Variants in MKKS observed in about 807,000 individuals in gnomAD.
MKKS encodes the protein MKKS centrosomal shuttling protein.
In MKKS, 29 loss-of-function variants were observed where a neutral mutation model predicts 33.2. The observed-to-expected ratio is 0.87, with a 90% CI of 0.65 to 1.19. MKKS has a LOEUF of 1.19. MKKS is among the 50% of genes most tolerant of loss of function. MKKS has a pLI of 0.00. For synonymous variants in MKKS, 260 were observed against 244.0 expected (o/e 1.07, Z -0.61); for missense variants, 661 against 662.3 (o/e 1.00, Z 0.02).
intron 1 of MKKS, among the ~76,000 whole-genome samples, chr20:10,429,055 C>T (rs1310059132): frequency 1.3e-5 from 2 of 152,144 alleles, no homozygotes; most frequent in African/African-American, 4.8e-5. Context: ...AAAACAAATT[C>T]CCTAAGGCAA....
At chr20:10,427,247 T>C (rs569071683) in intron 1 of MKKS, among the ~76,000 whole-genome samples, 8 of 152,350 alleles carry the variant, frequency 5.3e-5, no homozygotes, top group South Asian at 2.1e-4. Flanking sequence ...CAGGGAATGT[T>C]ACATCAAATG....
At chr20:10,410,082 ATTGT>A (rs974087502) in intron 3 of MKKS, among the ~76,000 whole-genome samples, 3 of 151,036 alleles carry the variant, frequency 2.0e-5, no homozygotes, top group African/African-American at 7.3e-5. Context: ...TTATTTGAAT[ATTGT>A]TTACTTCTGA....
At chr20:10,411,048 G>A (rs1358237090) in intron 3 of MKKS, among the ~76,000 whole-genome samples, 2 of 150,574 alleles carry the variant, frequency 1.3e-5, no homozygotes. Flanking sequence ...GTGCAGTGGC[G>A]CAATCTCGGT....
chr20:10,415,404 A>G (rs1214825756), intron 2 of MKKS, among the ~76,000 whole-genome samples: 3 of 152,216 alleles, frequency 2.0e-5, no homozygotes, highest in Non-Finnish European at 2.9e-5. Context: ...AATGTTATGC[A>G]AATGTTATTT....
intron 1 of MKKS, chr20:10,431,966 C>T (rs2065056933): frequency 6.6e-6 from 1 of 152,274 alleles, no homozygotes. Context: ...CTTCAAAGCC[C>T]TACCTTTGTG....
At chr20:10,424,455 T>C (rs538463602) in intron 1 of MKKS, among the ~76,000 whole-genome samples, 1 of 152,234 alleles carries the variant, frequency 6.6e-6, no homozygotes, top group East Asian at 1.9e-4. Context: ...ACTACTTCAT[T>C]TCTTTCACTT....
intron 2 of MKKS, among the ~76,000 whole-genome samples, chr20:10,414,710 AT>A (rs2064924599): frequency 2.0e-5 from 3 of 152,230 alleles, no homozygotes; most frequent in Non-Finnish European, 4.4e-5. Flanking sequence ...TTTGTAAATA[AT>A]TATAAAAACA....
chr20:10,423,755 T>C lies in MKKS; in HGVS notation c.-648-2997A>G, dbSNP rs371397035. Reference sequence around the variant, plus strand: ...CAGTCTATTACTCTTTCCATTAGGATAACTTAAGGATCGATGAATCTTTTT... The same window carrying C: ...CAGTCTATTACTCTTTCCATTAGGACAACTTAAGGATCGATGAATCTTTTT... On this transcript the variant is annotated intron_variant, in intron 1 of 5. Coordinates refer to ENST00000347364, the MANE Select transcript of MKKS (RefSeq NM_170784.3). 1.8e-3 allele frequency among the ~76,000 whole-genome samples: 274 copies of C among 152,332 alleles called. 7 individuals are homozygous for C. In the South Asian group the frequency reaches 0.046, roughly 25 times the overall value.
chr20:10,410,177 G>A (rs2064872685), intron 3 of MKKS, among the ~76,000 whole-genome samples: 1 of 151,978 alleles, frequency 6.6e-6, no homozygotes, highest in Non-Finnish European at 1.5e-5. Context: ...TCTTTCACAT[G>A]GTGGGAACAA....
chr20:10,413,441 G>T lies in MKKS; in HGVS notation c.74C>A (p.Thr25Lys). Residue 25 changes from threonine (T) to lysine (K), a missense_variant, in exon 3 of 6, where the codon ACA becomes AAA. Physicochemically the swap from Thr to Lys is moderately conservative, Grantham distance 78. Coordinates refer to ENST00000347364, the MANE Select transcript of MKKS (RefSeq NM_170784.3). ...TACAATTCTTTTCAAGACAGAAAGT[G>T]TGGTCCTGACTCTCTCAGTTGTCAG... ...EPLTTERVRT[T>K]LSVLKRIVTS... 2 of 1,613,802 alleles carry T rather than the reference G, an allele frequency of 1.2e-6. No homozygotes were observed. Among genetic ancestry groups the T allele is most frequent in the Non-Finnish European group, 1.7e-6 (2 of 1,179,706 alleles).
chr20:10,421,123 A>T (rs886074402), intron 1 of MKKS, among the ~76,000 whole-genome samples: 1 of 152,084 alleles, frequency 6.6e-6, no homozygotes, highest in Non-Finnish European at 1.5e-5. Flanking sequence ...TTTTTAAATT[A>T]TATTTTTTAA....
intron 1 of MKKS, among the ~76,000 whole-genome samples, chr20:10,430,757 A>C (rs1048505344): frequency 6.6e-6 from 1 of 152,264 alleles, no homozygotes; most frequent in African/African-American, 2.4e-5. Flanking sequence ...GAAGGAAGTC[A>C]GAAAACTGAT....
intron 1 of MKKS, among the ~76,000 whole-genome samples, chr20:10,422,602 A>G (rs1168475664): frequency 6.6e-6 from 1 of 152,184 alleles, no homozygotes; most frequent in Admixed American, 6.5e-5. Flanking sequence ...CTTGTTTGCA[A>G]ACACCTTAAC....
intron 1 of MKKS, among the ~76,000 whole-genome samples, chr20:10,433,217 G>C (rs1297596179): frequency 6.6e-6 from 1 of 152,222 alleles, no homozygotes; most frequent in East Asian, 1.9e-4. Context: ...CGTTGGCCTG[G>C]CTGGCCCCAA....
chr20:10,422,713 C>CTTT (rs59532941), intron 1 of MKKS, among the ~76,000 whole-genome samples: 2 of 143,474 alleles, frequency 1.4e-5, no homozygotes, highest in African/African-American at 2.6e-5. Flanking sequence ...GTTATATTAT[C>CTTT]TTTTTTTTTT....
At chr20:10,425,518 GATAC>G (rs2065009709) in intron 1 of MKKS, among the ~76,000 whole-genome samples, 1 of 152,214 alleles carries the variant, frequency 6.6e-6, no homozygotes, top group Non-Finnish European at 1.5e-5. Flanking sequence ...AAAGGTTCAT[GATAC>G]TGAGAAGCAG....
In MKKS at chr20:10,413,507, C is replaced by T. The variant is rs770619894; in HGVS notation, c.8G>A (p.Arg3His). ...CAATGATGGCTTCTTAGCTTCCAAACGAGACATCTTACTTCAGGTGGTAAC... is the reference window on the plus strand; with the variant it reads ...CAATGATGGCTTCTTAGCTTCCAAATGAGACATCTTACTTCAGGTGGTAAC... The part of the protein sequence containing the change: MS[R>H]LEAKKPSLCK... The change falls in exon 3 of 6, where the codon CGT becomes CAT. Residue 3 changes from arginine to histidine, a missense_variant. By Grantham distance (29) the Arg-to-His change is conservative. Transcript: ENST00000347364. 9.3e-6 allele frequency: 15 copies of T among 1,614,048 alleles called. No individual in the cohort carries two copies. The highest frequency in any genetic ancestry group is 7.7e-5 in the South Asian group (7 of 91,088).
chr20:10,433,471 T>C (rs974447028), intron 1 of MKKS, among the ~76,000 whole-genome samples: 1 of 152,204 alleles, frequency 6.6e-6, no homozygotes. Context: ...GACACGTGTA[T>C]ATCTGTTTAT....
chr20:10,413,410 T>C lies in MKKS; in HGVS notation c.105A>G (p.Ser35=). The C allele has an allele frequency of 6.2e-7, 1 of 1,613,198 alleles. No individual in the cohort carries two copies. The highest frequency in any genetic ancestry group is 8.5e-7 in the Non-Finnish European group (1 of 1,179,168). The change falls in exon 3 of 6, where the codon TCA becomes TCG. Residue 35 remains serine, a synonymous_variant. Coordinates refer to ENST00000347364, the MANE Select transcript of MKKS (RefSeq NM_170784.3). ...TCAGCCTACCTGAGGGGCCATAGCA[T>C]GATGTTACAATTCTTTTCAAGACAG... ...TLSVLKRIVT[S]CYGPSGRLKQ... is the part of the protein sequence containing the mutation.
Sources: allele counts gnomAD v4.1 joint callset (sites outside exome capture counted in the v4.1 genomes callset), GRCh38; gene constraint gnomAD v4.1.1; transcripts MANE v1.5; gene names NCBI Gene and HGNC (gene_info 2026-07-23, HGNC 2026-07-21).